KHK: variants seen among roughly 807,000 people sequenced by gnomAD.
KHK encodes ketohexokinase.
A neutral mutation model predicts 36.0 loss-of-function variants in KHK; 37 were observed. The observed-to-expected ratio is 1.03, with a 90% CI of 0.79 to 1.35. The LOEUF (loss-of-function observed/expected upper bound fraction) is 1.35, where lower values mean the gene tolerates loss of function less well. KHK is among the 40% of genes most tolerant of loss of function. KHK has a pLI of 0.00. For synonymous variants in KHK, 161 were observed against 162.8 expected (o/e 0.99, Z 0.08); for missense variants, 395 against 391.9 (o/e 1.01, Z -0.07).
intron 2 of KHK, among the ~76,000 whole-genome samples, chr2:27,093,358 C>T (rs1670126423): frequency 6.6e-6 from 1 of 152,172 alleles, no homozygotes; most frequent in Non-Finnish European, 1.5e-5. Context: ...AGCTCCTTTC[C>T]TCTGAGCTAG....
chr2:27,086,797 A>T lies in KHK; in HGVS notation c.-463A>T, dbSNP rs1572851320. On this transcript the variant is annotated 5_prime_UTR_variant, in exon 1 of 8. Coordinates refer to ENST00000260598, the MANE Select transcript of KHK (RefSeq NM_006488.3). The stretch of plus-strand genomic sequence containing the variant: ...AGGCAGGGCTGCAGATGCGAGGCCC[A>T]GCTGTACCTCGCGTGTCCCGGGTCG... The T allele has an allele frequency of 6.5e-6, 1 of 153,638 alleles. No individual in the cohort carries two copies. The highest frequency in any genetic ancestry group is 1.5e-5 in the Non-Finnish European group (1 of 68,726). The allele number at this position is 153,638 out of a possible 1,614,324, so 9.5% of individuals were successfully genotyped here.
rs536842595 is a variant in KHK, at chr2:27,100,382, C to T, written c.*632C>T. On this transcript the variant is annotated 3_prime_UTR_variant, in exon 8 of 8. Coordinates refer to ENST00000260598, the MANE Select transcript of KHK (RefSeq NM_006488.3). ...AGAAATACCTCCTCCCGCTGACTGC[C>T]CCAGAGCCTGAAAGTCTCACCCTTG... is the stretch of plus-strand genomic sequence containing the variant. The T allele has an allele frequency of 8.0e-7, 1 of 1,252,636 alleles. No homozygotes were observed. Among genetic ancestry groups the T allele is most frequent in the Non-Finnish European group, 1.0e-6 (1 of 954,236 alleles). The allele number at this position is 1,252,636 out of a possible 1,614,324, so 77.6% of individuals were successfully genotyped here.
chr2:27,099,837 T>G lies in KHK; in HGVS notation c.*87T>G. The G allele has an allele frequency of 6.4e-7, 1 of 1,559,846 alleles. No individual in the cohort carries two copies. Among genetic ancestry groups the G allele is most frequent in the Non-Finnish European group, 8.7e-7 (1 of 1,152,270 alleles). The stretch of plus-strand genomic sequence containing the variant: ...CCTCCATCCAGCCTGGCGTCCAGGT[T>G]GCCCTGTTCAGGGGACAGATGCAAG... On this transcript the variant is annotated 3_prime_UTR_variant, in exon 8 of 8. Transcript: ENST00000260598.
At chr2:27,089,013 A>G (rs978975591) in intron 1 of KHK, among the ~76,000 whole-genome samples, 15 of 152,100 alleles carry the variant, frequency 9.9e-5, no homozygotes, top group African/African-American at 3.4e-4. Context: ...CATCACATAT[A>G]TTATTTTATA....
intron 1 of KHK, among the ~76,000 whole-genome samples, chr2:27,090,433 TTTTTTTTC>T (rs1377546498): frequency 2.7e-5 from 4 of 147,714 alleles, no homozygotes; most frequent in Non-Finnish European, 5.9e-5. Context: ...CTTGAAAATC[TTTTTTTTC>T]TTTTTTCTTT....
In KHK at chr2:27,100,530, G is replaced by A. The variant is rs1341041789; in HGVS notation, c.*780G>A. 5 of 1,290,846 alleles carry A rather than the reference G, an allele frequency of 3.9e-6. No homozygotes were observed. The East Asian group carries it at 2.2e-4, about 57-fold the overall frequency. The allele number at this position is 1,290,846 out of a possible 1,614,324, so 80.0% of individuals were successfully genotyped here. On this transcript the variant is annotated 3_prime_UTR_variant, in exon 8 of 8. Coordinates refer to ENST00000260598, the MANE Select transcript of KHK (RefSeq NM_006488.3). ...TGGAATTGGGGCCAACTCCAATATA[G>A]GGTGGGTAAGGCCTTATAATGTAAA...
intron 1 of KHK, among the ~76,000 whole-genome samples, chr2:27,089,952 A>G (rs993547396): frequency 6.6e-6 from 1 of 152,188 alleles, no homozygotes; most frequent in African/African-American, 2.4e-5. Flanking sequence ...TCCAGAGTTC[A>G]AGCAATTCTC....
At chr2:27,099,080 T>C (rs533411486) in intron 5 of KHK, 116 bp from the exon 6 acceptor site, 85 of 889,568 alleles carry the variant, frequency 9.6e-5, no homozygotes, top group Non-Finnish European at 1.3e-4. Flanking sequence ...AGATGCTACG[T>C]TGGGGATCTA....
intron 2 of KHK, among the ~76,000 whole-genome samples, chr2:27,092,709 C>G (rs1381822427): frequency 2.0e-5 from 3 of 152,192 alleles, no homozygotes; most frequent in Non-Finnish European, 2.9e-5. Flanking sequence ...GCTTCAGCCT[C>G]TTCCTTTCTC....
rs1670656739 is a variant in KHK, at chr2:27,099,551, C to T, written c.785C>T (p.Ala262Val). 1.2e-6 allele frequency: 2 copies of T among 1,614,042 alleles called. No individual in the cohort carries two copies. The highest frequency in any genetic ancestry group is 1.7e-6 in the Non-Finnish European group (2 of 1,180,026). Reference protein sequence around the residue: ...DTLGAGDTFNASVIFSLSQGR... With the variant: ...DTLGAGDTFNVSVIFSLSQGR... The stretch of plus-strand genomic sequence containing the variant: ...CTGGGAGCTGGAGACACCTTCAATG[C>T]CTCCGTCATCTTCAGCCTCTCCCAG... The change falls in exon 7 of 8, where the codon GCC becomes GTC. Residue 262 changes from alanine to valine, a missense_variant. By Grantham distance (64) the Ala-to-Val change is moderately conservative. Coordinates refer to ENST00000260598, the MANE Select transcript of KHK (RefSeq NM_006488.3).
rs1203023313 is a variant in KHK at position 27,099,372 on chromosome 2, G to T, written c.654-48G>T. The T allele has an allele frequency of 3.7e-6, 6 of 1,611,896 alleles. No individual in the cohort carries two copies. The South Asian group carries it at 5.5e-5, about 15-fold the overall frequency. On this transcript the variant is annotated intron_variant, in intron 6 of 7. Coordinates refer to ENST00000260598, the MANE Select transcript of KHK (RefSeq NM_006488.3). ...CCGCCCTGGAGCTGGGAGGATGGCT[G>T]GGGGGACGGGGTGGGCTAACACCCA...
rs772163501 is a variant in KHK, at chr2:27,099,456, C to T, written c.690C>T (p.Ala230=). The T allele has an allele frequency of 2.5e-5, 40 of 1,613,858 alleles. No individual in the cohort carries two copies. The highest frequency in any genetic ancestry group is 8.3e-5 in the Admixed American group (5 of 59,990). Residue 230 remains alanine (A), a synonymous_variant, in exon 7 of 8, where the codon GCC becomes GCT. Coordinates refer to ENST00000260598, the MANE Select transcript of KHK (RefSeq NM_006488.3). The part of the protein sequence containing the change: ...VLVCAWAEEG[A]DALGPDGKLL... ...TCTGTGCCTGGGCTGAGGAGGGCGC[C>T]GACGCCCTGGGCCCTGATGGCAAAT...
Position 27,099,828 on chromosome 2 carries a change from C to A in KHK, c.*78C>A, listed in dbSNP as rs1025114322. On this transcript the variant is annotated 3_prime_UTR_variant, in exon 8 of 8. Coordinates refer to ENST00000260598, the MANE Select transcript of KHK (RefSeq NM_006488.3). Reference sequence around the variant, plus strand: ...GCCTTCTCCCCTCCATCCAGCCTGGCGTCCAGGTTGCCCTGTTCAGGGGAC... The same window carrying A: ...GCCTTCTCCCCTCCATCCAGCCTGGAGTCCAGGTTGCCCTGTTCAGGGGAC... 5 of 1,565,548 alleles carry A rather than the reference C, an allele frequency of 3.2e-6. No individual in the cohort carries two copies. The highest frequency in any genetic ancestry group is 1.9e-5 in the Admixed American group (1 of 52,556).
chr2:27,094,528 C>A, intron 2 of KHK: 1 of 1,614,166 alleles, frequency 6.2e-7, no homozygotes, highest in Non-Finnish European at 8.5e-7. Context: ...GCTACACAGT[C>A]TTTCAGACCA....
At position 27,099,901 on chromosome 2, in the gene KHK, A is replaced by C; in HGVS notation, c.*151A>C. ...TCTGCCTGTGTCCTGTGTTCCCCAC[A>C]GGGAGAGGCTCTGGGGGGATGGCTG... On this transcript the variant is annotated 3_prime_UTR_variant, in exon 8 of 8. Transcript: ENST00000260598. 6 of 1,527,964 alleles carry C rather than the reference A, an allele frequency of 3.9e-6. No individual in the cohort carries two copies. The highest frequency in any genetic ancestry group is 5.3e-6 in the Non-Finnish European group (6 of 1,127,486). The allele number at this position is 1,527,964 out of a possible 1,614,324, so 94.7% of individuals were successfully genotyped here. A position where few individuals can be genotyped will look rare whatever the true frequency, so the allele number is the denominator to read the frequency against.
rs182573466 is a variant in KHK at position 27,096,271 on chromosome 2, G to A, written c.345-458G>A. On this transcript the variant is annotated intron_variant, in intron 3 of 7. Transcript: ENST00000260598. ...TGCAACGGGGAGCTATTAAACGCAG[G>A]ACAGGGGTGCCATAGGTAAACCCCA... Among the ~76,000 whole-genome samples, 12 of 152,290 alleles carry A rather than the reference G, an allele frequency of 7.9e-5. No homozygotes were observed. In the South Asian group the frequency reaches 1.7e-3, roughly 21 times the overall value.
At chr2:27,095,143 G>A (rs1670258620) in intron 3 of KHK, among the ~76,000 whole-genome samples, 2 of 152,212 alleles carry the variant, frequency 1.3e-5, no homozygotes, top group Admixed American at 1.3e-4. Flanking sequence ...GCTGTGCCTG[G>A]TGACTTGGCC....
chr2:27,095,619 G>A (rs868071561), intron 3 of KHK, among the ~76,000 whole-genome samples: 42 of 152,224 alleles, frequency 2.8e-4, no homozygotes, highest in African/African-American at 9.2e-4. Context: ...CTTATCCCTT[G>A]CAGACTCCCT....
intron 3 of KHK, among the ~76,000 whole-genome samples, chr2:27,096,528 C>T (rs1489223021): frequency 6.6e-6 from 1 of 152,186 alleles, no homozygotes. Context: ...ATCACAACCT[C>T]AAACTCAGGA....
Sources: allele counts gnomAD v4.1 joint callset (sites outside exome capture counted in the v4.1 genomes callset), GRCh38; gene constraint gnomAD v4.1.1; transcripts MANE v1.5; gene names NCBI Gene and HGNC (gene_info 2026-07-23, HGNC 2026-07-21).